The following CTBP2 variants were observed in gnomAD, a reference collection of about 807,000 sequenced individuals.
The protein encoded by CTBP2 is C-terminal-binding protein 2.
In CTBP2, 30 loss-of-function variants were observed where a neutral mutation model predicts 80.3. That is an observed-to-expected ratio of 0.37 (90% CI 0.28 to 0.51). CTBP2 has a LOEUF of 0.51. CTBP2 is among the 20% of genes least tolerant of loss of function. The probability of loss-of-function intolerance (pLI) is 0.93; values close to 1 mark genes in which losing one functional copy is unlikely to be tolerated. For synonymous variants in CTBP2, 594 were observed against 587.4 expected (o/e 1.01, Z -0.16); for missense variants, 1,212 against 1,375.3 (o/e 0.88, Z 1.88).
At chr10:124,991,893 T>TGGGC (rs1952675479) in intron 8 of CTBP2, among the ~76,000 whole-genome samples, 1 of 60,440 alleles carries the variant, frequency 1.7e-5, no homozygotes, top group Admixed American at 1.8e-4. Flanking sequence ...CCAGCAATAA[T>TGGGC]GGGGGGGGGG....
At chr10:125,075,518 C>T (rs1483573644) in intron 2 of CTBP2, among the ~76,000 whole-genome samples, 1 of 152,132 alleles carries the variant, frequency 6.6e-6, no homozygotes, top group East Asian at 1.9e-4. Context: ...GACTTCCCAA[C>T]CTCAAAAACT....
At chr10:125,152,384 C>T (rs1288631172) in intron 1 of CTBP2, among the ~76,000 whole-genome samples, 2 of 152,188 alleles carry the variant, frequency 1.3e-5, no homozygotes, top group African/African-American at 4.8e-5. Context: ...AACAGAAGGT[C>T]GCGCAGGACA....
At chr10:125,162,229 T>G (rs563112351), upstream of CTBP2, 1 of 152,462 alleles carries the variant, frequency 6.6e-6, no homozygotes, top group African/African-American at 2.4e-5. Context: ...GGTCCCGCCT[T>G]TGGAGGCCGC....
chr10:125,075,328 T>C (rs1846118959), intron 2 of CTBP2, among the ~76,000 whole-genome samples: 1 of 152,188 alleles, frequency 6.6e-6, no homozygotes, highest in Non-Finnish European at 1.5e-5. Context: ...GGGGCGTTAA[T>C]GAGGTGATTA....
chr10:125,062,187 C>T (rs894311804), intron 2 of CTBP2, among the ~76,000 whole-genome samples: 3 of 152,168 alleles, frequency 2.0e-5, no homozygotes, highest in South Asian at 2.1e-4. Context: ...GAGCAGGGGA[C>T]GACTGAGTCC....
intron 1 of CTBP2, among the ~76,000 whole-genome samples, chr10:125,159,354 G>C (rs1190366692): frequency 6.8e-6 from 1 of 147,254 alleles, no homozygotes; most frequent in Admixed American, 6.7e-5. Flanking sequence ...GGCGGCGGGC[G>C]AGGAGGAAGT....
intron 2 of CTBP2, among the ~76,000 whole-genome samples, chr10:125,094,774 A>C (rs1167209352): frequency 6.6e-6 from 1 of 152,224 alleles, no homozygotes; most frequent in Non-Finnish European, 1.5e-5. Context: ...GCCAAAGTAG[A>C]AACTCCTGCC....
intron 1 of CTBP2, among the ~76,000 whole-genome samples, chr10:125,145,540 C>G (rs1377305308): frequency 6.6e-6 from 1 of 152,180 alleles, no homozygotes; most frequent in Non-Finnish European, 1.5e-5. Context: ...GTTGCTAGCA[C>G]TTATCTGCTC....
chr10:124,996,302 C>G (rs897029511), intron 4 of CTBP2: 3 of 152,068 alleles, frequency 2.0e-5, no homozygotes, highest in Admixed American at 1.3e-4. Flanking sequence ...TTGGCGGCAC[C>G]GTCCCACCCC....
At chr10:125,063,633 G>A (rs942616835) in intron 2 of CTBP2, among the ~76,000 whole-genome samples, 20 of 152,224 alleles carry the variant, frequency 1.3e-4, no homozygotes, top group Admixed American at 1.3e-3. Context: ...AAATGAAGCT[G>A]TACGATTTAT....
At chr10:125,064,620 T>C (rs56058688) in intron 2 of CTBP2, among the ~76,000 whole-genome samples, 1,859 of 152,330 alleles carry the variant, frequency 0.012, 45 homozygotes, top group African/African-American at 0.041. Context: ...TCTGAATCTG[T>C]TTTAGAATCA....
In CTBP2 at chr10:124,987,772, T is replaced by C. The variant is rs1297817143; in HGVS notation, c.*1746A>G. On this transcript the variant is annotated 3_prime_UTR_variant, in exon 9 of 9. Coordinates refer to ENST00000309035, the MANE Select transcript of CTBP2 (RefSeq NM_022802.3). ...CCATGATTTTCTTGTTTTGTTTTAA[T>C]TGGGAAGGGAAGTATAAGGAAGAGC... is the stretch of plus-strand genomic sequence containing the variant. 6.6e-6 allele frequency: 1 copy of C among 152,192 alleles called. No individual in the cohort carries two copies. Among genetic ancestry groups the C allele is most frequent in the Non-Finnish European group, 1.5e-5 (1 of 68,034 alleles). 9.4% of individuals were successfully genotyped at this position (152,192 alleles called of 1,614,324 possible). A position where few individuals can be genotyped will look rare whatever the true frequency, so the allele number is the denominator to read the frequency against.
intron 8 of CTBP2, among the ~76,000 whole-genome samples, chr10:124,992,209 C>CTTTTTTTTTTT (rs61400691): frequency 9.8e-6 from 1 of 102,496 alleles, no homozygotes; most frequent in Non-Finnish European, 1.8e-5. Flanking sequence ...TTGAGAAGCC[C>CTTTTTTTTTTT]TTTTTTTTTT....
intron 2 of CTBP2, among the ~76,000 whole-genome samples, chr10:125,048,744 C>T (rs1373811042): frequency 2.6e-5 from 4 of 152,218 alleles, no homozygotes; most frequent in Admixed American, 6.5e-5. Flanking sequence ...AGACGGAACA[C>T]ACACAGAGAG....
chr10:125,105,674 T>C (rs771373433), intron 2 of CTBP2, among the ~76,000 whole-genome samples: 9 of 151,686 alleles, frequency 5.9e-5, no homozygotes, highest in East Asian at 1.9e-4. Flanking sequence ...AACCAAGACA[T>C]TTTTTTAAAA....
intron 1 of CTBP2, among the ~76,000 whole-genome samples, chr10:125,155,274 TTC>T (rs1378683743): frequency 6.6e-6 from 1 of 152,202 alleles, no homozygotes; most frequent in Admixed American, 6.5e-5. Flanking sequence ...CTCCTGAAGT[TTC>T]TGTGTTCTCC....
chr10:125,064,130 G>A (rs573983657), intron 2 of CTBP2, among the ~76,000 whole-genome samples: 49 of 152,310 alleles, frequency 3.2e-4, no homozygotes, highest in African/African-American at 1.2e-3. Context: ...TTATATATAT[G>A]GTGTGGAAGA....
intron 2 of CTBP2, among the ~76,000 whole-genome samples, chr10:125,086,007 C>G (rs1334117985): frequency 6.6e-6 from 1 of 152,232 alleles, no homozygotes; most frequent in African/African-American, 2.4e-5. Context: ...CATGGCTGGC[C>G]TCCTCCTGCC....
At chr10:125,149,617 T>C (rs553976669) in intron 1 of CTBP2, among the ~76,000 whole-genome samples, 2 of 152,274 alleles carry the variant, frequency 1.3e-5, no homozygotes, top group South Asian at 2.1e-4. Flanking sequence ...AAACCAAGGA[T>C]TTCCAGAATA....
Sources: gnomAD v4.1 joint callset for allele counts (sites outside exome capture counted in the v4.1 genomes callset) on GRCh38, gnomAD v4.1.1 for gene constraint, MANE v1.5 for transcripts, NCBI Gene and HGNC (gene_info 2026-07-23, HGNC 2026-07-21) for gene names.